ANOS1: variants seen among roughly 807,000 people sequenced by gnomAD.
ANOS1 encodes anosmin 1, also known as anosmin-1.
A neutral mutation model predicts 59.0 loss-of-function variants in ANOS1; 6 were observed. That is an observed-to-expected ratio of 0.10 (90% CI 0.06 to 0.20). The LOEUF (loss-of-function observed/expected upper bound fraction) is 0.20, where lower values mean the gene tolerates loss of function less well. Among genes scored for constraint, ANOS1 ranks in the 10% least tolerant of loss-of-function variants. The probability of loss-of-function intolerance (pLI) is 1.00; values close to 1 mark genes in which losing one functional copy is unlikely to be tolerated. For synonymous variants in ANOS1, 217 were observed against 223.4 expected, an observed-to-expected ratio of 0.97 and a Z score of 0.25; for missense variants, 433 against 542.3, an observed-to-expected ratio of 0.80 and a Z score of 2.00.
chrX:8,710,347 G>A (rs1932805248), intron 1 of ANOS1, among the ~76,000 whole-genome samples: 1 of 111,951 alleles, frequency 8.9e-6, no homozygotes, highest in African/African-American at 3.2e-5. Context: ...GTCCTTCTGT[G>A]CAAAGTATTT....
At chrX:8,603,197 A>G (rs1930878078) in intron 3 of ANOS1, among the ~76,000 whole-genome samples, 1 of 112,436 alleles carries the variant, frequency 8.9e-6, no homozygotes, top group Non-Finnish European at 1.9e-5. Context: ...TTAGTGATTA[A>G]TAGTATCTAA....
intron 1 of ANOS1, among the ~76,000 whole-genome samples, chrX:8,718,195 C>T (rs112423178): frequency 1.8e-5 from 2 of 111,556 alleles, no homozygotes; most frequent in African/African-American, 3.3e-5. Flanking sequence ...GTTCTAGTTC[C>T]AAATGACTTT....
chrX:8,635,674 A>G (rs146626625), intron 2 of ANOS1, among the ~76,000 whole-genome samples: 171 of 112,572 alleles, frequency 1.5e-3, no homozygotes, highest in African/African-American at 5.3e-3. Context: ...AGTAAGGGCT[A>G]GAAACTATTA....
At chrX:8,610,002 A>G (rs1000830437) in intron 3 of ANOS1, among the ~76,000 whole-genome samples, 5 of 60,931 alleles carry the variant, frequency 8.2e-5, no homozygotes, top group African/African-American at 3.9e-4. Flanking sequence ...GCAAGACTCC[A>G]TCTCAAAAAA....
chrX:8,597,010 C>T, intron 4 of ANOS1, 24 bp downstream of exon 4: 3 of 1,211,136 alleles, frequency 2.5e-6, no homozygotes, highest in Non-Finnish European at 2.2e-6. Flanking sequence ...CATGTGTCTT[C>T]ACACCCCCAG....
At chrX:8,550,355 G>C (rs1929836214) in intron 9 of ANOS1, among the ~76,000 whole-genome samples, 2 of 111,508 alleles carry the variant, frequency 1.8e-5, no homozygotes, top group Admixed American at 1.9e-4. Context: ...TTTTAAACCT[G>C]AATACAGTGG....
rs373773808 is a variant in ANOS1 at position 8,712,127 on chromosome X, G to A, written c.208-12382C>T. ...GCTGGAAGTGTGAGACCAAGTTATC[G>A]CAAGACCATGCTCTCTCAGAAAGGC... On this transcript the variant is annotated intron_variant, in intron 1 of 13. Coordinates refer to ENST00000262648, the MANE Select transcript of ANOS1 (RefSeq NM_000216.4). Among the ~76,000 whole-genome samples, 6 of 112,202 alleles carry A rather than the reference G, an allele frequency of 5.3e-5. No individual in the cohort carries two copies. In the East Asian group the frequency reaches 1.1e-3, roughly 21 times the overall value.
intron 1 of ANOS1, among the ~76,000 whole-genome samples, chrX:8,727,141 G>A (rs1352393712): frequency 2.7e-5 from 3 of 112,053 alleles, no homozygotes; most frequent in Non-Finnish European, 5.6e-5. Flanking sequence ...CTTTGAGTTT[G>A]AGTTTTGTAT....
At position 8,566,886 on chromosome X, in the gene ANOS1, C is replaced by A. The variant is rs183756205; in HGVS notation, c.1207+1346G>T. On this transcript the variant is annotated intron_variant, in intron 8 of 13. Transcript: ENST00000262648. ...AACCCCTGTGTCTCACTCTGCAGGA[C>A]CAGCATTGCCTTTCCTAAATTCAGA... Among the ~76,000 whole-genome samples, 11 of 111,842 alleles carry A rather than the reference C, an allele frequency of 9.8e-5. No individual in the cohort carries two copies. In the East Asian group the frequency reaches 3.1e-3, roughly 32 times the overall value.
chrX:8,536,518 G>A (rs1013779675), intron 11 of ANOS1, among the ~76,000 whole-genome samples: 1 of 110,898 alleles, frequency 9.0e-6, no homozygotes, highest in African/African-American at 3.3e-5. Context: ...AAACACAAGC[G>A]GTATCTAAAT....
intron 1 of ANOS1, among the ~76,000 whole-genome samples, chrX:8,726,147 C>G (rs932011649): frequency 1.8e-5 from 2 of 111,200 alleles, no homozygotes; most frequent in Non-Finnish European, 3.8e-5. Context: ...AATCTGTGAG[C>G]CTGGGGCTGA....
chrX:8,541,409 A>AC (rs145095073), intron 9 of ANOS1, among the ~76,000 whole-genome samples: 1,165 of 78,079 alleles, frequency 0.015, 9 homozygotes, highest in Middle Eastern at 0.023. Flanking sequence ...GTCTCCCACC[A>AC]CCCCCCCCCC....
chrX:8,670,871 C>G (rs1215361654), intron 2 of ANOS1, among the ~76,000 whole-genome samples: 1 of 111,496 alleles, frequency 9.0e-6, no homozygotes, highest in Admixed American at 9.6e-5. Context: ...TTTCTCCCCA[C>G]TTTCCTAAGA....
chrX:8,536,998 A>C (rs1210146553), intron 10 of ANOS1, 56 bp from the exon 11 acceptor site: 1 of 987,378 alleles, frequency 1.0e-6, no homozygotes, highest in African/African-American at 1.9e-5. Flanking sequence ...GGATTAAAAA[A>C]CACTGGCAAG....
At chrX:8,701,136 G>A (rs1932753354) in intron 1 of ANOS1, among the ~76,000 whole-genome samples, 1 of 110,692 alleles carries the variant, frequency 9.0e-6, no homozygotes, top group African/African-American at 3.3e-5. Flanking sequence ...TTTAAGTCAG[G>A]TTATGCTAGG....
intron 8 of ANOS1, among the ~76,000 whole-genome samples, chrX:8,567,704 G>A (rs1424442304): frequency 9.0e-6 from 1 of 111,108 alleles, no homozygotes; most frequent in Non-Finnish European, 1.9e-5. Context: ...TGAGGCAGGA[G>A]AACCGCTTGA....
At position 8,652,429 on chromosome X, in the gene ANOS1, T is replaced by C. The variant is rs187164872; in HGVS notation, c.256-28759A>G. Among the ~76,000 whole-genome samples, 5 of 111,675 alleles carry C rather than the reference T, an allele frequency of 4.5e-5. No individual in the cohort carries two copies. In the Admixed American group the frequency reaches 4.8e-4, roughly 11 times the overall value. On this transcript the variant is annotated intron_variant, in intron 2 of 13. Coordinates refer to ENST00000262648, the MANE Select transcript of ANOS1 (RefSeq NM_000216.4). ...TAAAGAGTGTGATACCAAACTACAC[T>C]CTACTGAGTCCTCAACACCCACTGA...
chrX:8,623,955 G>A (rs1176521678), intron 2 of ANOS1, among the ~76,000 whole-genome samples: 1 of 109,919 alleles, frequency 9.1e-6, no homozygotes, highest in Non-Finnish European at 1.9e-5. Flanking sequence ...CCATCAGCTG[G>A]AGGAATTGGG....
intron 2 of ANOS1, among the ~76,000 whole-genome samples, chrX:8,651,062 G>A (rs1019302999): frequency 8.9e-6 from 1 of 112,798 alleles, no homozygotes; most frequent in Non-Finnish European, 1.9e-5. Flanking sequence ...GGACGGGAGC[G>A]ATGCCTGGGA....
Sources: allele counts gnomAD v4.1 joint callset (sites outside exome capture counted in the v4.1 genomes callset), GRCh38; gene constraint gnomAD v4.1.1; transcripts MANE v1.5; gene names NCBI Gene and HGNC (gene_info 2026-07-23, HGNC 2026-07-21).